Variants in BRWD3 observed in about 807,000 individuals in gnomAD.
BRWD3 encodes bromodomain and WD repeat domain containing 3.
In BRWD3, 10 loss-of-function variants were observed where a neutral mutation model predicts 149.7. That is an observed-to-expected ratio of 0.07 (90% CI 0.04 to 0.11). The LOEUF (loss-of-function observed/expected upper bound fraction) is 0.11. Among genes scored for constraint, BRWD3 ranks in the 10% least tolerant of loss-of-function variants. BRWD3 has a pLI of 1.00. For synonymous variants in BRWD3, 504 were observed against 456.7 expected, an observed-to-expected ratio of 1.10 and a Z score of -1.32; for missense variants, 940 against 1,373.2, an observed-to-expected ratio of 0.68 and a Z score of 4.99.
At chrX:80,710,045 G>C in intron 20 of BRWD3, 1 of 1,100,975 alleles carries the variant, frequency 9.1e-7, no homozygotes, top group Non-Finnish European at 1.3e-6. Flanking sequence ...AAAAACCCAT[G>C]CAGTATTGGT....
chrX:80,750,857 T>TACACACACACACAC (rs59394410), intron 6 of BRWD3, among the ~76,000 whole-genome samples: 25 of 93,934 alleles, frequency 2.7e-4, no homozygotes, highest in African/African-American at 9.2e-4. Context: ...ATGTGTTTTA[T>TACACACACACACAC]ACACACACAC....
chrX:80,675,580 A>T lies in BRWD3; in HGVS notation c.*1029T>A, dbSNP rs1044165347. 8.9e-6 allele frequency: 1 copy of T among 112,062 alleles called. No individual in the cohort carries two copies. Among genetic ancestry groups the T allele is most frequent in the Non-Finnish European group, 1.9e-5 (1 of 53,114 alleles). 9.2% of individuals were successfully genotyped at this position (112,062 alleles called of 1,213,427 possible). A position where few individuals can be genotyped will look rare whatever the true frequency, so the allele number is the denominator to read the frequency against. On this transcript the variant is annotated 3_prime_UTR_variant, in exon 41 of 41. Coordinates refer to ENST00000373275, the MANE Select transcript of BRWD3 (RefSeq NM_153252.5). ...ACAATTATTAACAACCTCTCAGCTT[A>T]TAACTTATGGGGTATTCATTCCTAC... is the stretch of plus-strand genomic sequence containing the variant.
intron 38 of BRWD3, among the ~76,000 whole-genome samples, 175 bp downstream of exon 38, chrX:80,682,290 A>G (rs1172678325): frequency 3.6e-5 from 4 of 111,862 alleles, no homozygotes; most frequent in African/African-American, 1.3e-4. Flanking sequence ...CTGGGATAGT[A>G]AAACCCACAT....
chrX:80,731,975 G>C (rs763667559), intron 12 of BRWD3, among the ~76,000 whole-genome samples: 10 of 106,085 alleles, frequency 9.4e-5, no homozygotes, highest in Non-Finnish European at 1.9e-4. Context: ...AAATCTGAAA[G>C]TGTTTTGAGT....
chrX:80,780,351 T>A (rs5913320), intron 6 of BRWD3, among the ~76,000 whole-genome samples: 7,208 of 111,413 alleles, frequency 0.065, 264 homozygotes, highest in Middle Eastern at 0.13. Context: ...TTTCATTATA[T>A]TTTATATAAT....
chrX:80,808,459 G>T, intron 4 of BRWD3, 80 bp downstream of exon 4: 1 of 792,815 alleles, frequency 1.3e-6, no homozygotes, highest in South Asian at 2.2e-5. Flanking sequence ...CGGCTGAGAG[G>T]TGGGGGGCGG....
chrX:80,683,714 T>C (rs1258190516), intron 37 of BRWD3, among the ~76,000 whole-genome samples: 1 of 111,670 alleles, frequency 9.0e-6, no homozygotes, highest in East Asian at 2.8e-4. Context: ...ATATTTCACA[T>C]AAATCAACAC....
chrX:80,788,391 G>A lies in BRWD3; in HGVS notation c.430+3463C>T, dbSNP rs749906339. Among the ~76,000 whole-genome samples, 12 of 110,865 alleles carry A rather than the reference G, an allele frequency of 1.1e-4. No homozygotes were observed. In the South Asian group the frequency reaches 1.5e-3, roughly 14 times the overall value. ...TCTCAAAACTCAATAATAAAAAAAC[G>A]CAAACAACTCAATTTAAAAAATGGG... On this transcript the variant is annotated intron_variant, in intron 6 of 40. Coordinates refer to ENST00000373275, the MANE Select transcript of BRWD3 (RefSeq NM_153252.5).
chrX:80,717,638 A>C lies in BRWD3; in HGVS notation c.2166T>G (p.Thr722=), dbSNP rs762268932. 2 of 1,211,486 alleles carry C rather than the reference A, an allele frequency of 1.7e-6. No individual in the cohort carries two copies. The highest frequency in any genetic ancestry group is 2.2e-6 in the Non-Finnish European group (2 of 895,197). The change falls in exon 19 of 41, where the codon ACT becomes ACG. Residue 722 remains threonine, a synonymous_variant. Coordinates refer to ENST00000373275, the MANE Select transcript of BRWD3 (RefSeq NM_153252.5). ...TGCTCCACGCCATGAGATCTCTTTC[A>C]GTGGCCATCTGGCTCCGAGGAGCAT... ...HNNAPRSQMA[T]ERDLMAWSRR...
At chrX:80,687,101 TATA>T in intron 34 of BRWD3, 98 bp from the exon 35 acceptor site, 2 of 5,537 alleles carry the variant, frequency 3.6e-4, no homozygotes, top group East Asian at 0.014. Context: ...TGTATGTGTG[TATA>T]TATATATATA....
chrX:80,716,833 G>A lies in BRWD3; in HGVS notation c.2232-583C>T, dbSNP rs191300594. The A allele has an allele frequency of 2.7e-5, 3 of 110,521 alleles. No homozygotes were observed. In the East Asian group the frequency reaches 8.5e-4, roughly 31 times the overall value. 9.1% of individuals were successfully genotyped at this position (110,521 alleles called of 1,213,427 possible). ...CTTTCAATTCTGCTTTCTATGTTTTGAGTAAATAATCATTTACTCCAAAGA... is the reference window on the plus strand; with the variant it reads ...CTTTCAATTCTGCTTTCTATGTTTTAAGTAAATAATCATTTACTCCAAAGA... On this transcript the variant is annotated intron_variant, in intron 19 of 40. Transcript: ENST00000373275.
chrX:80,695,773 A>T (rs2072681575), intron 27 of BRWD3, 135 bp downstream of exon 27: 12 of 514,137 alleles, frequency 2.3e-5, no homozygotes, highest in Non-Finnish European at 3.9e-5. Context: ...AGGAAATTTT[A>T]ACTTAAGTTT....
intron 4 of BRWD3, among the ~76,000 whole-genome samples, chrX:80,799,712 A>G (rs1440666764): frequency 9.0e-6 from 1 of 111,643 alleles, no homozygotes; most frequent in Non-Finnish European, 1.9e-5. Context: ...AAAATTTACT[A>G]GCTGTTACTC....
At chrX:80,726,695 C>T (rs981787162) in intron 14 of BRWD3, among the ~76,000 whole-genome samples, 2 of 110,465 alleles carry the variant, frequency 1.8e-5, no homozygotes, top group Admixed American at 1.9e-4. Flanking sequence ...TACCATATTA[C>T]GATTATGGAC....
intron 6 of BRWD3, among the ~76,000 whole-genome samples, chrX:80,771,331 C>A (rs1049731795): frequency 9.0e-6 from 1 of 111,665 alleles, no homozygotes; most frequent in Non-Finnish European, 1.9e-5. Flanking sequence ...GGAGGCATCA[C>A]ACTACCTGGC....
In BRWD3 at chrX:80,780,480, T is replaced by C. The variant is rs747278533; in HGVS notation, c.430+11374A>G. Among the ~76,000 whole-genome samples the C allele has an allele frequency of 2.7e-5, 3 of 111,717 alleles. No individual in the cohort carries two copies. In the South Asian group the frequency reaches 1.1e-3, roughly 42 times the overall value. On this transcript the variant is annotated intron_variant, in intron 6 of 40. Transcript: ENST00000373275. ...GGATATAAGGGGCTAGAAACACATA[T>C]AGGCTATATAAAACCATAAACACAT... is the stretch of plus-strand genomic sequence containing the variant.
intron 8 of BRWD3, 138 bp from the exon 9 acceptor site, chrX:80,736,226 C>T: frequency 2.5e-6 from 1 of 400,561 alleles, no homozygotes; most frequent in Non-Finnish European, 4.3e-6. Flanking sequence ...TTTCAAGGGA[C>T]TATTTAACTT....
At chrX:80,689,668 T>C in intron 33 of BRWD3, 100 bp downstream of exon 33, 1 of 738,974 alleles carries the variant, frequency 1.4e-6, no homozygotes, top group Non-Finnish European at 2.0e-6. Flanking sequence ...TTCAAAAATC[T>C]GTTTTGCTGT....
intron 24 of BRWD3, among the ~76,000 whole-genome samples, chrX:80,700,441 T>TATATATATATATATATATATATATAA (rs1269965985): frequency 7.3e-5 from 7 of 96,026 alleles, no homozygotes; most frequent in African/African-American, 1.9e-4. Context: ...TTGATATATA[T>TATATATATATATATATATATATATAA]AACAATACAA....
Sources: allele counts gnomAD v4.1 joint callset (sites outside exome capture counted in the v4.1 genomes callset), GRCh38; gene constraint gnomAD v4.1.1; transcripts MANE v1.5; gene names NCBI Gene and HGNC (gene_info 2026-07-23, HGNC 2026-07-21).